The following NEGR1 variants were observed in gnomAD, a reference collection of about 807,000 sequenced individuals.
NEGR1 encodes neuronal growth regulator 1.
In NEGR1, 10 loss-of-function variants were observed where a neutral mutation model predicts 40.9. The ratio of observed to expected loss-of-function variants is 0.24; its 90% CI spans 0.15 to 0.42. NEGR1 has a LOEUF of 0.42. NEGR1 is among the 10% of genes least tolerant of loss of function. The pLI, the probability that NEGR1 is intolerant of heterozygous loss-of-function variation, is 1.00. For missense variants in NEGR1, 352 were observed against 438.9 expected (o/e 0.80, Z 1.77); for synonymous variants, 185 against 166.8 (o/e 1.11, Z -0.84).
chr1:71,925,484 T>C (rs184500702), intron 2 of NEGR1, among the ~76,000 whole-genome samples: 5 of 152,350 alleles, frequency 3.3e-5, no homozygotes, highest in African/African-American at 1.2e-4. Context: ...TTCTGCAAAC[T>C]AAGCTTTGCC....
intron 2 of NEGR1, among the ~76,000 whole-genome samples, chr1:71,874,020 G>C (rs749477944): frequency 6.6e-6 from 1 of 152,110 alleles, no homozygotes; most frequent in Non-Finnish European, 1.5e-5. Flanking sequence ...GCTTCGATTT[G>C]CTATTTTCTA....
At chr1:71,575,981 C>A (rs1447458057) in intron 6 of NEGR1, among the ~76,000 whole-genome samples, 2 of 152,130 alleles carry the variant, frequency 1.3e-5, no homozygotes, top group African/African-American at 4.8e-5. Context: ...TCTGTGTCCC[C>A]AGTCTGCAGC....
At chr1:72,081,316 G>T (rs1308997971) in intron 1 of NEGR1, among the ~76,000 whole-genome samples, 1 of 152,026 alleles carries the variant, frequency 6.6e-6, no homozygotes, top group Non-Finnish European at 1.5e-5. Flanking sequence ...TGGAATAAGA[G>T]GAGCTTGATA....
At chr1:71,430,044 G>A (rs919278107) in intron 6 of NEGR1, among the ~76,000 whole-genome samples, 8 of 152,194 alleles carry the variant, frequency 5.3e-5, no homozygotes, top group African/African-American at 1.7e-4. Flanking sequence ...AGAAATAAAT[G>A]TTATATAATT....
chr1:71,996,117 T>C (rs930389246), intron 1 of NEGR1, among the ~76,000 whole-genome samples: 2 of 152,164 alleles, frequency 1.3e-5, no homozygotes, highest in Admixed American at 1.3e-4. Context: ...TAGCCCCTTG[T>C]AGATTTTTTT....
chr1:72,230,114 T>C (rs1654317035), intron 1 of NEGR1, among the ~76,000 whole-genome samples: 1 of 152,116 alleles, frequency 6.6e-6, no homozygotes, highest in Non-Finnish European at 1.5e-5. Context: ...GCCAATGTAA[T>C]TCTAGCAAGC....
At chr1:71,435,684 G>A (rs963981230) in intron 6 of NEGR1, among the ~76,000 whole-genome samples, 6 of 152,202 alleles carry the variant, frequency 3.9e-5, no homozygotes, top group African/African-American at 1.4e-4. Flanking sequence ...GCCAACCCCT[G>A]AGCCTTGAAG....
chr1:71,753,717 A>G (rs973681731), intron 3 of NEGR1, among the ~76,000 whole-genome samples: 2 of 152,086 alleles, frequency 1.3e-5, no homozygotes, highest in Non-Finnish European at 2.9e-5. Context: ...GATCCATATC[A>G]CTTTTCATGG....
intron 4 of NEGR1, among the ~76,000 whole-genome samples, chr1:71,621,903 T>C (rs1389882134): frequency 6.6e-6 from 1 of 151,874 alleles, no homozygotes; most frequent in African/African-American, 2.4e-5. Context: ...CCATAGATGA[T>C]GGATGAATGG....
chr1:71,646,088 T>A (rs977177657), intron 4 of NEGR1, among the ~76,000 whole-genome samples: 1 of 151,724 alleles, frequency 6.6e-6, no homozygotes, highest in East Asian at 1.9e-4. Flanking sequence ...CTGGGAGGGA[T>A]TTTTTTGCCA....
At chr1:71,894,260 G>A (rs767832941) in intron 2 of NEGR1, among the ~76,000 whole-genome samples, 1 of 120,946 alleles carries the variant, frequency 8.3e-6, no homozygotes, top group Non-Finnish European at 1.8e-5. Flanking sequence ...AAAGAATGGA[G>A]AAGTCAAGAA....
rs552100145 is a variant in NEGR1 at position 72,021,007 on chromosome 1, C to G, written c.177-85696G>C. ...GTGTTACTGATAGTTGGAAATAACACATTTTTTCCAAGAACCACTGAAACA... is the reference window on the plus strand; with the variant it reads ...GTGTTACTGATAGTTGGAAATAACAGATTTTTTCCAAGAACCACTGAAACA... On this transcript the variant is annotated intron_variant, in intron 1 of 6. Transcript: ENST00000357731. 6.3e-4 allele frequency among the ~76,000 whole-genome samples: 96 copies of G among 152,042 alleles called. 2 individuals are homozygous for G. The highest frequency in any genetic ancestry group is 2.2e-3 in the African/African-American group (91 of 41,352).
At chr1:72,248,601 T>C (rs1190282824) in intron 1 of NEGR1, among the ~76,000 whole-genome samples, 5 of 146,462 alleles carry the variant, frequency 3.4e-5, no homozygotes, top group African/African-American at 1.3e-4. Context: ...TTATTATTAT[T>C]ATTATTATTA....
chr1:71,956,689 A>C lies in NEGR1; in HGVS notation c.177-21378T>G, dbSNP rs1026431330. ...TATCAGCAGGAAATATTTCTATTTTACCTTCTGTGAATTTTAATGGACATG... is the reference window on the plus strand; with the variant it reads ...TATCAGCAGGAAATATTTCTATTTTCCCTTCTGTGAATTTTAATGGACATG... On this transcript the variant is annotated intron_variant, in intron 1 of 6. Transcript: ENST00000357731. Among the ~76,000 whole-genome samples, 4 of 152,236 alleles carry C rather than the reference A, an allele frequency of 2.6e-5. No individual in the cohort carries two copies. The East Asian group carries it at 7.7e-4, about 29-fold the overall frequency.
chr1:71,593,971 A>C (rs535831939), intron 5 of NEGR1, among the ~76,000 whole-genome samples: 1 of 152,326 alleles, frequency 6.6e-6, no homozygotes, highest in African/African-American at 2.4e-5. Context: ...AATTGTTTTA[A>C]ATTCCTCAAA....
chr1:72,182,122 T>C (rs1652398851), intron 1 of NEGR1, among the ~76,000 whole-genome samples: 2 of 152,204 alleles, frequency 1.3e-5, no homozygotes, highest in South Asian at 2.1e-4. Context: ...TGCTTTAGTA[T>C]AGTAAGCTTA....
intron 2 of NEGR1, among the ~76,000 whole-genome samples, chr1:71,932,714 C>A (rs972969504): frequency 3.9e-5 from 6 of 152,020 alleles, no homozygotes; most frequent in African/African-American, 1.4e-4. Flanking sequence ...AGTTGCTAAG[C>A]TTCTTTATCT....
At chr1:71,730,569 T>TATATATA (rs1553161610) in intron 3 of NEGR1, among the ~76,000 whole-genome samples, 129 of 134,700 alleles carry the variant, frequency 9.6e-4, no homozygotes, top group South Asian at 1.6e-3. Context: ...TAGTATAAAT[T>TATATATA]TATATATATA....
At chr1:71,902,080 A>G (rs1175181880) in intron 2 of NEGR1, among the ~76,000 whole-genome samples, 1 of 152,242 alleles carries the variant, frequency 6.6e-6, no homozygotes, top group African/African-American at 2.4e-5. Flanking sequence ...TTCACTTATT[A>G]ATTGCAAGCA....
Sources: allele counts gnomAD v4.1 joint callset (sites outside exome capture counted in the v4.1 genomes callset), GRCh38; gene constraint gnomAD v4.1.1; transcripts MANE v1.5; gene names NCBI Gene and HGNC (gene_info 2026-07-23, HGNC 2026-07-21).